VCAN: variants seen among roughly 807,000 people sequenced by gnomAD.
VCAN encodes versican core protein.
In VCAN, 44 loss-of-function variants were observed where a neutral mutation model predicts 245.5. The ratio of observed to expected loss-of-function variants is 0.18; its 90% CI spans 0.14 to 0.23. The LOEUF (loss-of-function observed/expected upper bound fraction) is 0.23, where lower values mean the gene tolerates loss of function less well. VCAN is among the 10% of genes least tolerant of loss of function. The pLI is 1.00. For synonymous variants in VCAN, 1,413 were observed against 1,437.0 expected, an observed-to-expected ratio of 0.98 and a Z score of 0.38; for missense variants, 3,793 against 4,057.9, an observed-to-expected ratio of 0.93 and a Z score of 1.77.
Position 83,471,987 on chromosome 5 carries a change from A to C in VCAN, c.-43A>C. 1 of 385,890 alleles carries C rather than the reference A, an allele frequency of 2.6e-6. No individual in the cohort carries two copies. Among genetic ancestry groups the C allele is most frequent in the Non-Finnish European group, 4.6e-6 (1 of 218,602 alleles). 23.9% of individuals were successfully genotyped at this position (385,890 alleles called of 1,614,324 possible). A position where few individuals can be genotyped will look rare whatever the true frequency, so the allele number is the denominator to read the frequency against. On this transcript the variant is annotated 5_prime_UTR_variant, in exon 1 of 15. Transcript: ENST00000265077. ...AACCCAGTCGCGCAGCGCTGCAGTG[A>C]ATTTTCCCCCCAAACTGCAATAAGC...
intron 13 of VCAN, among the ~76,000 whole-genome samples, chr5:83,573,530 A>G (rs1280620947): frequency 1.3e-5 from 2 of 152,216 alleles, no homozygotes; most frequent in East Asian, 3.8e-4. Context: ...AAATCCCAAA[A>G]ATAGAATTCT....
At chr5:83,507,769 G>A (rs1311247183) in intron 5 of VCAN, among the ~76,000 whole-genome samples, 1 of 152,142 alleles carries the variant, frequency 6.6e-6, no homozygotes, top group Non-Finnish European at 1.5e-5. Context: ...TCATTCCACT[G>A]TGCTATAGTT....
chr5:83,551,193 A>G (rs987398206), intron 10 of VCAN, among the ~76,000 whole-genome samples: 35 of 152,078 alleles, frequency 2.3e-4, no homozygotes, highest in Non-Finnish European at 4.1e-4. Context: ...TAGGAGGAAA[A>G]ATACTTAATG....
rs757597405 is a variant in VCAN at position 83,520,462 on chromosome 5, A to T, written c.2156A>T (p.Glu719Val). ...KSPFMGKTEE[E>V]VFSGMKLSTS... ...CCATTTATGGGAAAAACAGAAGAAG[A>T]AGTCTTCTCTGGGATGAAACTCTCT... Residue 719 changes from glutamate to valine, a missense_variant, in exon 7 of 15, where the codon GAA becomes GTA. This residue lies in a region of VCAN where 3,182 missense variants were observed against 3,250.3 expected (regional missense o/e 0.98). Coordinates refer to ENST00000265077, the MANE Select transcript of VCAN (RefSeq NM_004385.5). 2 of 1,613,832 alleles carry T rather than the reference A, an allele frequency of 1.2e-6. No homozygotes were observed. The highest frequency in any genetic ancestry group is 1.7e-5 in the Admixed American group (1 of 59,996).
At chr5:83,560,649 TAAG>T (rs1320996407) in intron 12 of VCAN, among the ~76,000 whole-genome samples, 2 of 152,156 alleles carry the variant, frequency 1.3e-5, no homozygotes, top group African/African-American at 4.8e-5. Context: ...ACAGCCCAAT[TAAG>T]GAGCTATCAG....
chr5:83,478,379 G>T (rs550190766), intron 1 of VCAN, among the ~76,000 whole-genome samples: 3 of 151,960 alleles, frequency 2.0e-5, no homozygotes, highest in Non-Finnish European at 2.9e-5. Flanking sequence ...ACTTTTTTTT[G>T]ATTCTTTATC....
Position 83,537,293 on chromosome 5 carries a change from G to A in VCAN, c.4290G>A (p.Arg1430=), listed in dbSNP as rs768391588. ...AGGACCCAGAAGCTGCAGAAGCTAG[G>A]CGTGGCCAGTTTGAAAGTGTTGCAC... The part of the protein sequence containing the change: ...VPKDPEAAEA[R]RGQFESVAPS... Residue 1430 remains arginine (R), a synonymous_variant, in exon 8 of 15, where the codon AGG becomes AGA. Transcript: ENST00000265077. 1 of 1,613,854 alleles carries A rather than the reference G, an allele frequency of 6.2e-7. No homozygotes were observed. Among genetic ancestry groups the A allele is most frequent in the Non-Finnish European group, 8.5e-7 (1 of 1,179,966 alleles).
At chr5:83,570,239 C>T (rs1378900038) in intron 12 of VCAN, among the ~76,000 whole-genome samples, 1 of 151,712 alleles carries the variant, frequency 6.6e-6, no homozygotes. Flanking sequence ...GGTTTTTCCC[C>T]CGAGAAATAA....
intron 7 of VCAN, among the ~76,000 whole-genome samples, chr5:83,525,140 C>T (rs115051860): frequency 0.035 from 5,181 of 149,888 alleles, 328 homozygotes; most frequent in African/African-American, 0.12. Flanking sequence ...TAGCAACTTA[C>T]GGTGCTCTAG....
At position 83,541,147 on chromosome 5, in the gene VCAN, C is replaced by T; in HGVS notation, c.8144C>T (p.Ala2715Val). ...EIEGIKAEAK[A>V]LDDMFESSTL... ...GAAGGAATAAAAGCTGAAGCAAAAG[C>T]CCTGGATGACATGTTTGAATCAAGC... Residue 2715 changes from alanine to valine, a missense_variant, in exon 8 of 15, where the codon GCC (alanine) becomes GTC (valine). Coordinates refer to ENST00000265077, the MANE Select transcript of VCAN (RefSeq NM_004385.5). 6.2e-7 allele frequency: 1 copy of T among 1,614,068 alleles called. No individual in the cohort carries two copies. Among genetic ancestry groups the T allele is most frequent in the Non-Finnish European group, 8.5e-7 (1 of 1,180,002 alleles).
Position 83,519,746 on chromosome 5 carries a change from T to A in VCAN, c.1440T>A (p.Asp480Glu). 6.2e-7 allele frequency: 1 copy of A among 1,614,090 alleles called. No individual in the cohort carries two copies. The highest frequency in any genetic ancestry group is 8.5e-7 in the Non-Finnish European group (1 of 1,179,966). ...ATDSWDGVVE[D>E]KQTQESVTQI... is the part of the protein sequence containing the mutation. ...ATTCATGGGATGGTGTCGTGGAAGA[T>A]AAACAAACACAAGAATCGGTTACAC... Residue 480 changes from aspartate (D) to glutamate (E), a missense_variant, in exon 7 of 15, where the codon GAT becomes GAA. Physicochemically the swap from Asp to Glu is conservative, Grantham distance 45. Coordinates refer to ENST00000265077, the MANE Select transcript of VCAN (RefSeq NM_004385.5).
chr5:83,552,787 GGAA>G (rs1213858230), intron 10 of VCAN, among the ~76,000 whole-genome samples: 1 of 151,858 alleles, frequency 6.6e-6, no homozygotes, highest in East Asian at 1.9e-4. Context: ...CTTCTTTTTA[GGAA>G]GAAGGCATAC....
intron 7 of VCAN, among the ~76,000 whole-genome samples, chr5:83,528,610 C>T (rs1746392462): frequency 6.6e-6 from 1 of 152,076 alleles, no homozygotes; most frequent in Non-Finnish European, 1.5e-5. Flanking sequence ...GATAAGACAG[C>T]ATGTTCTGTG....
chr5:83,489,523 G>A (rs1744900372), intron 2 of VCAN, among the ~76,000 whole-genome samples: 3 of 152,098 alleles, frequency 2.0e-5, no homozygotes, highest in Admixed American at 2.0e-4. Context: ...AATTATGAAA[G>A]CCTTTGGTTC....
intron 5 of VCAN, among the ~76,000 whole-genome samples, chr5:83,505,668 G>A (rs372636761): frequency 2.0e-5 from 3 of 152,204 alleles, no homozygotes; most frequent in African/African-American, 7.2e-5. Flanking sequence ...CTGGAAGATG[G>A]TGGCCCTCTT....
rs1226021119 is a variant in VCAN at position 83,541,345 on chromosome 5, G to A, written c.8342G>A (p.Ser2781Asn). The A allele has an allele frequency of 6.2e-7, 1 of 1,613,962 alleles. No homozygotes were observed. The highest frequency in any genetic ancestry group is 2.2e-5 in the East Asian group (1 of 44,878). Residue 2781 changes from serine to asparagine, a missense_variant, in exon 8 of 15, where the codon AGT becomes AAT. Around this residue, in one of 5 missense-constraint regions of VCAN, gnomAD observed 3,182 missense variants for 3,250.3 expected, o/e 0.98. Transcript: ENST00000265077. ...TTAGTAGACCATACTCCCTATCTAA[G>A]TATTGCTACTACCCACCTTATGGAT... ...EALVDHTPYLSIATTHLMDQS... is the reference protein window; with the variant it reads ...EALVDHTPYLNIATTHLMDQS...
At chr5:83,490,548 A>G (rs1370444781) in intron 3 of VCAN, 76 bp downstream of exon 3, 3 of 1,595,422 alleles carry the variant, frequency 1.9e-6, no homozygotes, top group Admixed American at 3.4e-5. Flanking sequence ...TAGCACTCAG[A>G]AGTAACTGTT....
At chr5:83,574,346 C>T (rs1748399894) in intron 13 of VCAN, among the ~76,000 whole-genome samples, 1 of 152,144 alleles carries the variant, frequency 6.6e-6, no homozygotes, top group African/African-American at 2.4e-5. Context: ...ATTAAGTCTA[C>T]AGGTCTACCC....
At chr5:83,488,356 T>C (rs1294642898) in intron 2 of VCAN, among the ~76,000 whole-genome samples, 1 of 152,186 alleles carries the variant, frequency 6.6e-6, no homozygotes. Context: ...GAAAAGGAAC[T>C]GAAAAGAACA....
Sources: gnomAD v4.1 joint callset for allele counts (sites outside exome capture counted in the v4.1 genomes callset) on GRCh38, gnomAD v4.1.1 for gene constraint, gnomAD v4.1.1 regional missense constraint, MANE v1.5 for transcripts, NCBI Gene and HGNC (gene_info 2026-07-23, HGNC 2026-07-21) for gene names.